The following ROBO4 variants were observed in gnomAD, a reference collection of about 807,000 sequenced individuals.
ROBO4 encodes the protein roundabout homolog 4.
Under a neutral mutation model 103.3 loss-of-function variants are expected in ROBO4, and 80 were observed. That is an observed-to-expected ratio of 0.77 (90% CI 0.65 to 0.93). The LOEUF (loss-of-function observed/expected upper bound fraction) is 0.93. ROBO4 is among the 40% of genes least tolerant of loss of function. The probability of loss-of-function intolerance (pLI) is 0.00; values close to 1 mark genes in which losing one functional copy is unlikely to be tolerated. For missense variants in ROBO4, 1,333 were observed against 1,305.3 expected, an observed-to-expected ratio of 1.02 and a Z score of -0.33; for synonymous variants, 504 against 529.7, an observed-to-expected ratio of 0.95 and a Z score of 0.67.
chr11:124,896,304 G>A lies in ROBO4; in HGVS notation c.573C>T (p.Ser191=), dbSNP rs199601294. 6.2e-7 allele frequency: 1 copy of A among 1,614,032 alleles called. No individual in the cohort carries two copies. Among genetic ancestry groups the A allele is most frequent in the Admixed American group, 1.7e-5 (1 of 60,026 alleles). ...TCTTCTCTGCTCTTGCCATCAGCAG[G>A]GACCCCCCGGACACCTGTCAGGGCC... is the stretch of plus-strand genomic sequence containing the variant. The part of the protein sequence containing the change: ...QPGRHTVSGG[S]LLMARAEKSD... Residue 191 remains serine, a synonymous_variant, in exon 4 of 18, where the codon TCC becomes TCT. Transcript: ENST00000306534.
At chr11:124,885,329 G>T in intron 16 of ROBO4, 82 bp from the exon 17 acceptor site, 1 of 1,181,454 alleles carries the variant, frequency 8.5e-7, no homozygotes, top group Non-Finnish European at 1.2e-6. Flanking sequence ...CTTAGGACCA[G>T]CTCAGGGCAT....
intron 12 of ROBO4, among the ~76,000 whole-genome samples, chr11:124,889,923 C>T (rs1396877319): frequency 1.3e-5 from 2 of 152,080 alleles, no homozygotes; most frequent in African/African-American, 4.8e-5. Context: ...ATCCTGGGGG[C>T]AGTGGTGAGA....
At chr11:124,885,548 A>T (rs2135363669) in intron 16 of ROBO4, among the ~76,000 whole-genome samples, 1 of 150,654 alleles carries the variant, frequency 6.6e-6, no homozygotes, top group Non-Finnish European at 1.5e-5. Context: ...TCTGTCCTGG[A>T]TAATCCTTGC....
chr11:124,887,190 G>A lies in ROBO4; in HGVS notation c.2222C>T (p.Pro741Leu). The A allele has an allele frequency of 6.3e-7, 1 of 1,597,596 alleles. No individual in the cohort carries two copies. The highest frequency in any genetic ancestry group is 8.5e-7 in the Non-Finnish European group (1 of 1,170,568). The change falls in exon 15 of 18, where the codon CCC becomes CTC. Residue 741 changes from proline to leucine, a missense_variant. Transcript: ENST00000306534. Reference protein sequence around the residue: ...QTQPPVAPQAPSSILLPAAPI... With the variant: ...QTQPPVAPQALSSILLPAAPI... ...GGCTGCTGGCAGCAGGATGGAGGAG[G>A]GAGCCTGTGGTGCCACCGGAGGCCT...
In ROBO4 at chr11:124,887,208, G is replaced by A. The variant is rs141748433; in HGVS notation, c.2204C>T (p.Pro735Leu). The change falls in exon 15 of 18, where the codon CCG becomes CTG. Residue 735 changes from proline (P) to leucine (L), a missense_variant. Pro to Leu is a moderately conservative substitution (Grantham distance 98). Transcript: ENST00000306534. ...PPTQSQQTQP[P>L]VAPQAPSSIL... ...GGAGGAGGGAGCCTGTGGTGCCACC[G>A]GAGGCCTGATTTGCGGGAGAGAGTG... 9.7e-5 allele frequency: 155 copies of A among 1,591,210 alleles called. No individual in the cohort carries two copies. Among genetic ancestry groups the A allele is most frequent in the African/African-American group, 3.8e-4 (28 of 74,378 alleles).
At chr11:124,895,346 G>C in intron 6 of ROBO4, 111 bp downstream of exon 6, 1 of 1,221,538 alleles carries the variant, frequency 8.2e-7, no homozygotes, top group South Asian at 1.4e-5. Context: ...GGGAGTCCCA[G>C]GGTAGGACCC....
rs559643024 is a variant in ROBO4, at chr11:124,889,946, G to A, written c.1948+1353C>T. ...GGCAGTGGTGAGATGGGGCTGGAGC[G>A]AGGAGAAACAGGGAGTGAAGTAAGG... is the stretch of plus-strand genomic sequence containing the variant. On this transcript the variant is annotated intron_variant, in intron 12 of 17. Coordinates refer to ENST00000306534, the MANE Select transcript of ROBO4 (RefSeq NM_019055.6). Among the ~76,000 whole-genome samples the A allele has an allele frequency of 9.9e-5, 15 of 152,260 alleles. No homozygotes were observed. The East Asian group carries it at 1.3e-3, about 14-fold the overall frequency.
chr11:124,895,959 A>C, intron 4 of ROBO4, 47 bp from the exon 5 acceptor site: 5 of 1,608,458 alleles, frequency 3.1e-6, no homozygotes, highest in Non-Finnish European at 4.2e-6. Context: ...CCAGAGTGAC[A>C]GAACTGAGGC....
chr11:124,889,047 G>A (rs1465176136), intron 12 of ROBO4, among the ~76,000 whole-genome samples: 2 of 152,156 alleles, frequency 1.3e-5, no homozygotes, highest in Admixed American at 1.3e-4. Context: ...TTCAGAGAAG[G>A]GAAGTGAGCC....
rs150700978 is a variant in ROBO4 at position 124,895,897 on chromosome 11, G to A, written c.695C>T (p.Thr232Met). 5.3e-5 allele frequency: 85 copies of A among 1,613,818 alleles called. No homozygotes were observed. The highest frequency in any genetic ancestry group is 3.3e-4 in the Admixed American group (20 of 60,000). ...RVSIQEPQDY[T>M]EPVELLAVRI... Reference sequence around the variant, plus strand: ...CACAGCCAGAAGCTCCACAGGCTCCGTGTAGTCCTGGGGCTCTGTGGGGAG... The same window carrying A: ...CACAGCCAGAAGCTCCACAGGCTCCATGTAGTCCTGGGGCTCTGTGGGGAG... The change falls in exon 5 of 18, where the codon ACG becomes ATG. Residue 232 changes from threonine to methionine, a missense_variant. Coordinates refer to ENST00000306534, the MANE Select transcript of ROBO4 (RefSeq NM_019055.6).
At position 124,896,187 on chromosome 11, in the gene ROBO4, C is replaced by T; in HGVS notation, c.679+11G>A. The T allele has an allele frequency of 1.2e-6, 2 of 1,613,216 alleles. No homozygotes were observed. The highest frequency in any genetic ancestry group is 1.7e-6 in the Non-Finnish European group (2 of 1,179,676). On this transcript the variant is annotated intron_variant, in intron 4 of 17. Transcript: ENST00000306534. ...AGCCTGGCTCTGATTGTAGCCCACC[C>T]CTGCCCTTACCCTGGATGGAAACCC...
chr11:124,888,369 C>T (rs751539065), intron 12 of ROBO4, among the ~76,000 whole-genome samples: 22 of 152,282 alleles, frequency 1.4e-4, no homozygotes, highest in African/African-American at 2.6e-4. Context: ...CTCTGGATAG[C>T]CCTGCTCTGG....
rs1946681193 is a variant in ROBO4, at chr11:124,884,534, G to A, written c.*357C>T. 2.9e-6 allele frequency: 1 copy of A among 344,678 alleles called. No individual in the cohort carries two copies. The highest frequency in any genetic ancestry group is 5.3e-6 in the Non-Finnish European group (1 of 188,110). The allele number at this position is 344,678 out of a possible 1,614,324, so 21.4% of individuals were successfully genotyped here. The stretch of plus-strand genomic sequence containing the variant: ...AGCAGCCACTGCTGTCCTCCACAAA[G>A]GCACCTCTGGCTCCTCCACTTCCTG... On this transcript the variant is annotated 3_prime_UTR_variant, in exon 18 of 18. Transcript: ENST00000306534.
rs1165371082 is a variant in ROBO4, at chr11:124,892,079, A to G, written c.1548-277T>C. 1.1e-5 allele frequency: 7 copies of G among 639,884 alleles called. No homozygotes were observed. The Admixed American group carries it at 1.3e-4, about 11-fold the overall frequency. The allele number at this position is 639,884 out of a possible 1,614,324, so 39.6% of individuals were successfully genotyped here. A position where few individuals can be genotyped will look rare whatever the true frequency, so the allele number is the denominator to read the frequency against. On this transcript the variant is annotated intron_variant, in intron 10 of 17. Coordinates refer to ENST00000306534, the MANE Select transcript of ROBO4 (RefSeq NM_019055.6). The stretch of plus-strand genomic sequence containing the variant: ...AGCTATGTATGCTGAGGTAAAAAGA[A>G]GACCTGAAGACAAATCTGGTTTGAC...
chr11:124,892,358 T>A (rs1163945591), intron 10 of ROBO4: 1 of 296,442 alleles, frequency 3.4e-6, no homozygotes, highest in Non-Finnish European at 6.6e-6. Flanking sequence ...AAGGAGCTTC[T>A]CTGCGTAAGA....
chr11:124,884,942 C>T (rs867465221), intron 17 of ROBO4, 29 bp from the exon 18 acceptor site: 1 of 1,614,074 alleles, frequency 6.2e-7, no homozygotes, highest in Non-Finnish European at 8.5e-7. Flanking sequence ...ATCTCCCTTG[C>T]TCCTTATCTC....
intron 2 of ROBO4, 85 bp downstream of exon 2, chr11:124,896,847 A>T (rs1229203647): frequency 5.8e-6 from 9 of 1,542,518 alleles, no homozygotes; most frequent in African/African-American, 1.4e-5. Flanking sequence ...TATCCCACTG[A>T]CCTCTCAGAT....
intron 16 of ROBO4, 195 bp downstream of exon 16, chr11:124,886,269 C>T (rs1946709546): frequency 2.0e-6 from 1 of 511,860 alleles, no homozygotes. Context: ...CTTACAGTTT[C>T]CTCATTAGGA....
intron 1 of ROBO4, 149 bp downstream of exon 1, chr11:124,897,577 C>T: frequency 1.5e-6 from 1 of 667,378 alleles, no homozygotes; most frequent in Non-Finnish European, 2.7e-6. Context: ...CACAAACACA[C>T]ATACACTTAC....
Sources: gnomAD v4.1 joint callset for allele counts (sites outside exome capture counted in the v4.1 genomes callset) on GRCh38, gnomAD v4.1.1 for gene constraint, MANE v1.5 for transcripts, NCBI Gene and HGNC (gene_info 2026-07-23, HGNC 2026-07-21) for gene names.